Variants in NUDT17 observed in about 807,000 individuals in gnomAD.
NUDT17 encodes the protein nudix hydrolase 17.
Under a neutral mutation model 38.6 loss-of-function variants are expected in NUDT17, and 38 were observed. The ratio of observed to expected loss-of-function variants is 0.98; its 90% CI spans 0.76 to 1.29. The LOEUF (loss-of-function observed/expected upper bound fraction) is 1.29, where lower values mean the gene tolerates loss of function less well. Ranked by LOEUF, NUDT17 falls within the 50% of genes most tolerant of loss-of-function variation. The probability of loss-of-function intolerance (pLI) is 0.00; values close to 1 mark genes in which losing one functional copy is unlikely to be tolerated. For missense variants in NUDT17, 462 were observed against 415.2 expected (o/e 1.11, Z -0.98); for synonymous variants, 192 against 167.8 (o/e 1.14, Z -1.11).
chr1:145,846,464 C>A lies in NUDT17; in HGVS notation c.402+6C>A. ...ACGTGGAACTTGAGGAGGAGGTAACCAGTCAGCTGATCCAACCTGAGCCAA... is the reference window on the plus strand; with the variant it reads ...ACGTGGAACTTGAGGAGGAGGTAACAAGTCAGCTGATCCAACCTGAGCCAA... On this transcript the variant is annotated splice_donor_region_variant and intron_variant, in intron 3 of 7. Coordinates refer to ENST00000334513, the MANE Select transcript of NUDT17 (RefSeq NM_001012758.3). 2 of 1,613,208 alleles carry A rather than the reference C, an allele frequency of 1.2e-6. No individual in the cohort carries two copies. Among genetic ancestry groups the A allele is most frequent in the Non-Finnish European group, 1.7e-6 (2 of 1,179,282 alleles).
At chr1:145,846,290 GC>G (rs1553732474) in intron 2 of NUDT17, 94 bp downstream of exon 2, 2 of 1,470,756 alleles carry the variant, frequency 1.4e-6, no homozygotes, top group Non-Finnish European at 1.9e-6. Context: ...GATAAAGTGG[GC>G]CCCAAAATGT....
chr1:145,847,809 T>G, intron 6 of NUDT17, 90 bp downstream of exon 6: 1 of 1,401,684 alleles, frequency 7.1e-7, no homozygotes, highest in South Asian at 1.2e-5. Context: ...GATGGAATTT[T>G]GTGTTGTGGG....
At chr1:145,846,376 G>A in intron 2 of NUDT17, 57 bp from the exon 3 acceptor site, 2 of 1,605,038 alleles carry the variant, frequency 1.2e-6, no homozygotes, top group Non-Finnish European at 1.7e-6. Flanking sequence ...AACAGTGAGT[G>A]GGGGCTCCCT....
chr1:145,846,641 T>C lies in NUDT17; in HGVS notation c.446T>C (p.Leu149Pro). Residue 149 changes from leucine (L) to proline (P), a missense_variant, in exon 4 of 8, where the codon CTA becomes CCA. Transcript: ENST00000334513. ...GLRELWEESG[L>P]HLPQGQFSWV... ...CGAGAACTTTGGGAGGAGAGTGGAC[T>C]ACACCTGCCCCAGGGCCAGTTCTCT... The C allele has an allele frequency of 6.2e-7, 1 of 1,614,194 alleles. No homozygotes were observed. The highest frequency in any genetic ancestry group is 1.1e-5 in the South Asian group (1 of 91,090).
chr1:145,845,836 G>C lies in NUDT17; in HGVS notation c.192+4G>C, dbSNP rs587760158. On this transcript the variant is annotated splice_donor_region_variant and intron_variant, in intron 1 of 7. Transcript: ENST00000334513. ...CTCCGCTAGGCTTCCGCTCCAGGTC[G>C]GCAGAAGGGGGCCCCAGAGCGGGGG... is the stretch of plus-strand genomic sequence containing the variant. 1.9e-6 allele frequency: 3 copies of C among 1,585,112 alleles called. No individual in the cohort carries two copies. The highest frequency in any genetic ancestry group is 1.3e-5 in the African/African-American group (1 of 74,624).
At chr1:145,846,893 C>T (rs1479020645) in intron 4 of NUDT17, among the ~76,000 whole-genome samples, 5 of 152,216 alleles carry the variant, frequency 3.3e-5, no homozygotes, top group Non-Finnish European at 5.9e-5. Context: ...AACAAAGTCT[C>T]AAAAAGTGAC....
chr1:145,846,637 G>A lies in NUDT17; in HGVS notation c.442G>A (p.Gly148Arg). Residue 148 changes from glycine (G) to arginine (R), a missense_variant, in exon 4 of 8, where the codon GGA becomes AGA. Transcript: ENST00000334513. ...GCTTCGAGAACTTTGGGAGGAGAGT[G>A]GACTACACCTGCCCCAGGGCCAGTT... Reference protein sequence around the residue: ...GGLRELWEESGLHLPQGQFSW... With the variant: ...GGLRELWEESRLHLPQGQFSW... The A allele has an allele frequency of 6.2e-7, 1 of 1,614,180 alleles. No individual in the cohort carries two copies. The highest frequency in any genetic ancestry group is 8.5e-7 in the Non-Finnish European group (1 of 1,180,006).
Position 145,848,850 on chromosome 1 carries a change from A to G in NUDT17, c.*371A>G. ...ACATCCTCCTCTGTCATACTGGAGTAGGAGGCAGGGGAAGTCATCTTTGGA... is the reference window on the plus strand; with the variant it reads ...ACATCCTCCTCTGTCATACTGGAGTGGGAGGCAGGGGAAGTCATCTTTGGA... On this transcript the variant is annotated 3_prime_UTR_variant, in exon 8 of 8. Coordinates refer to ENST00000334513, the MANE Select transcript of NUDT17 (RefSeq NM_001012758.3). 1 of 183,214 alleles carries G rather than the reference A, an allele frequency of 5.5e-6. No homozygotes were observed. The allele number at this position is 183,214 out of a possible 1,614,324, so 11.3% of individuals were successfully genotyped here.
Position 145,847,318 on chromosome 1 carries a change from G to C in NUDT17, c.564G>C (p.Val188=), listed in dbSNP as rs151055351. 2.2e-4 allele frequency: 353 copies of C among 1,609,590 alleles called. 3 individuals carry two copies. Among genetic ancestry groups the C allele is most frequent in the African/African-American group, 4.0e-5 (3 of 74,660 alleles). ...KYHHIVLYLL[V]ISQESQQQLQ... is the part of the protein sequence containing the mutation. ...ATCACATTGTTCTGTATCTACTCGT[G>C]ATCTCCCAGGAATCACAGCAGCAGT... The change falls in exon 5 of 8, where the codon GTG becomes GTC. Residue 188 remains valine (V), a synonymous_variant. Transcript: ENST00000334513.
At chr1:145,846,374 G>GT (rs1175340367) in intron 2 of NUDT17, 59 bp from the exon 3 acceptor site, 17 of 1,605,364 alleles carry the variant, frequency 1.1e-5, no homozygotes, top group Non-Finnish European at 1.3e-5. Context: ...TCAACAGTGA[G>GT]TGGGGGCTCC....
At chr1:145,846,807 T>G in intron 4 of NUDT17, 117 bp downstream of exon 4, 1 of 761,066 alleles carries the variant, frequency 1.3e-6, no homozygotes, top group Non-Finnish European at 2.4e-6. Flanking sequence ...CCCTCACCCA[T>G]GTCCCTGCTG....
chr1:145,848,146 C>A lies in NUDT17; in HGVS notation c.766C>A (p.Pro256Thr), dbSNP rs1553733108. The A allele has an allele frequency of 6.2e-7, 1 of 1,614,056 alleles. No individual in the cohort carries two copies. Among genetic ancestry groups the A allele is most frequent in the East Asian group, 2.2e-5 (1 of 44,890 alleles). ...ACTAGAGGAGGATGGAAGAGCCCGACCTCTGGTCCTGCACATGTCCACCCT... is the reference window on the plus strand; with the variant it reads ...ACTAGAGGAGGATGGAAGAGCCCGAACTCTGGTCCTGCACATGTCCACCCT... Reference protein sequence around the residue: ...VELEEDGRARPLVLHMSTLLR... With the variant: ...VELEEDGRARTLVLHMSTLLR... Residue 256 changes from proline (P) to threonine (T), a missense_variant, in exon 7 of 8, where the codon CCT (proline) becomes ACT (threonine). Transcript: ENST00000334513.
At chr1:145,847,485 C>A in intron 5 of NUDT17, 98 bp from the exon 6 acceptor site, 2 of 1,532,896 alleles carry the variant, frequency 1.3e-6, no homozygotes, top group Non-Finnish European at 1.8e-6. Context: ...TTTCCCCTTG[C>A]TCCTGCCTTT....
In NUDT17 at chr1:145,846,017, C is replaced by G. The variant is rs781787418; in HGVS notation, c.197C>G (p.Pro66Arg). Reference protein sequence around the residue: ...GASARLPLQRPPFCPFAALEE... With the variant: ...GASARLPLQRRPFCPFAALEE... ...CAGCTGGCTTCCTTCTGCCAGCGAC[C>G]CCCTTTCTGCCCTTTTGCGGCCCTG... Residue 66 changes from proline to arginine, a missense_variant, in exon 2 of 8, where the codon CCC (proline) becomes CGC (arginine). Coordinates refer to ENST00000334513, the MANE Select transcript of NUDT17 (RefSeq NM_001012758.3). 6.2e-7 allele frequency: 1 copy of G among 1,600,002 alleles called. No individual in the cohort carries two copies. The highest frequency in any genetic ancestry group is 2.3e-5 in the East Asian group (1 of 44,394).
chr1:145,848,344 G>C, intron 7 of NUDT17, 33 bp from the exon 8 acceptor site: 2 of 1,612,948 alleles, frequency 1.2e-6, no homozygotes, highest in Non-Finnish European at 1.7e-6. Flanking sequence ...GGGAAAGCAG[G>C]AAAGGACAAC....
At chr1:145,846,541 A>G in intron 3 of NUDT17, 57 bp from the exon 4 acceptor site, 1 of 1,603,638 alleles carries the variant, frequency 6.2e-7, no homozygotes. Context: ...GAGGCAAGCA[A>G]AAGGACTTGG....
intron 1 of NUDT17, 61 bp downstream of exon 1, chr1:145,845,893 G>T: frequency 6.5e-7 from 1 of 1,534,842 alleles, no homozygotes; most frequent in South Asian, 1.2e-5. Context: ...GACTGAAATC[G>T]GGTGGGAACT....
chr1:145,846,041 T>C lies in NUDT17; in HGVS notation c.221T>C (p.Leu74Pro). The change falls in exon 2 of 8, where the codon CTG becomes CCG. Residue 74 changes from leucine to proline, a missense_variant. Leu to Pro is a moderately conservative substitution (Grantham distance 98, BLOSUM62 -3). Transcript: ENST00000334513. ...QRPPFCPFAA[L>P]EERPRVPGAE... ...CCCCCTTTCTGCCCTTTTGCGGCCC[T>C]GGAGGAGCGGCCCAGGGTCCCTGGG... 1 of 1,604,600 alleles carries C rather than the reference T, an allele frequency of 6.2e-7. No individual in the cohort carries two copies. Among genetic ancestry groups the C allele is most frequent in the Non-Finnish European group, 8.5e-7 (1 of 1,176,376 alleles).
intron 6 of NUDT17, 26 bp from the exon 7 acceptor site, chr1:145,848,086 C>G (rs782435004): frequency 6.2e-7 from 1 of 1,612,196 alleles, no homozygotes; most frequent in African/African-American, 1.3e-5. Flanking sequence ...CAAGGCACAG[C>G]CCCAACAGGA....
Sources: gnomAD v4.1 joint callset for allele counts (sites outside exome capture counted in the v4.1 genomes callset) on GRCh38, gnomAD v4.1.1 for gene constraint, MANE v1.5 for transcripts, NCBI Gene and HGNC (gene_info 2026-07-23, HGNC 2026-07-21) for gene names.